The following LRRC8B variants were observed in gnomAD, a reference collection of about 807,000 sequenced individuals.
LRRC8B encodes leucine rich repeat containing 8 VRAC subunit B.
LRRC8B carries 23 observed loss-of-function variants against 58.8 expected under a neutral mutation model. The ratio of observed to expected loss-of-function variants is 0.39; its 90% CI spans 0.28 to 0.55. The LOEUF is 0.55. Ranked by LOEUF, LRRC8B falls within the 20% of genes least tolerant of loss-of-function variation. The pLI, the probability that LRRC8B is intolerant of heterozygous loss-of-function variation, is 0.62. For missense variants in LRRC8B, 694 were observed against 936.0 expected (o/e 0.74, Z 3.37); for synonymous variants, 359 against 374.1 (o/e 0.96, Z 0.47).
intron 1 of LRRC8B, among the ~76,000 whole-genome samples, chr1:89,540,547 A>C (rs1650883539): frequency 6.6e-6 from 1 of 152,228 alleles, no homozygotes. Context: ...GACACGAATG[A>C]AAGAACAAGA....
At chr1:89,548,257 T>A (rs1223972186) in intron 1 of LRRC8B, among the ~76,000 whole-genome samples, 2 of 152,246 alleles carry the variant, frequency 1.3e-5, no homozygotes, top group African/African-American at 4.8e-5. Flanking sequence ...TTTTTAAGTT[T>A]GAAGTTTTAA....
At chr1:89,547,674 A>G (rs1077538) in intron 1 of LRRC8B, among the ~76,000 whole-genome samples, 33,444 of 152,152 alleles carry the variant, frequency 0.22, 4,041 homozygotes, top group Admixed American at 0.32. Context: ...CACATAGGTC[A>G]TTGATTTTAA....
intron 1 of LRRC8B, among the ~76,000 whole-genome samples, chr1:89,525,620 G>C (rs971683362): frequency 2.6e-5 from 4 of 152,186 alleles, no homozygotes; most frequent in African/African-American, 9.7e-5. Context: ...TTAAGAAGAA[G>C]ACTCAAGAGT....
chr1:89,569,398 A>G (rs1251812857), intron 3 of LRRC8B, among the ~76,000 whole-genome samples: 2 of 152,072 alleles, frequency 1.3e-5, no homozygotes, highest in Non-Finnish European at 2.9e-5. Context: ...GGGAGTAAGG[A>G]TGATCCTGTC....
intron 1 of LRRC8B, among the ~76,000 whole-genome samples, chr1:89,531,452 A>G (rs1650123939): frequency 6.6e-6 from 1 of 152,182 alleles, no homozygotes; most frequent in Non-Finnish European, 1.5e-5. Context: ...ATGGCCAAAA[A>G]CAGGTAATGG....
In LRRC8B at chr1:89,593,943, A is replaced by G. The variant is rs1195875718; in HGVS notation, c.*900A>G. 1 of 152,154 alleles carries G rather than the reference A, an allele frequency of 6.6e-6. No homozygotes were observed. Among genetic ancestry groups the G allele is most frequent in the East Asian group, 1.9e-4 (1 of 5,192 alleles). The allele number at this position is 152,154 out of a possible 1,614,324, so 9.4% of individuals were successfully genotyped here. Reference sequence around the variant, plus strand: ...GGTTTTCTCTTAACACCAATGATGAACCCTGAGAAAATGCCTGCATTTGGC... The same window carrying G: ...GGTTTTCTCTTAACACCAATGATGAGCCCTGAGAAAATGCCTGCATTTGGC... On this transcript the variant is annotated 3_prime_UTR_variant, in exon 6 of 6. Transcript: ENST00000330947.
At chr1:89,546,736 C>T (rs1353803922) in intron 1 of LRRC8B, among the ~76,000 whole-genome samples, 1 of 152,228 alleles carries the variant, frequency 6.6e-6, no homozygotes, top group African/African-American at 2.4e-5. Context: ...GAGCTATACC[C>T]AGAAAGGAGC....
chr1:89,526,690 G>A lies in LRRC8B; in HGVS notation c.-241+1668G>A, dbSNP rs139236490. ...GCTAAAAAGAGGTCTCTTGAATGGG[G>A]GTGATGTTGTCATTGAGTGCACCCT... On this transcript the variant is annotated intron_variant, in intron 1 of 5. Coordinates refer to ENST00000330947, the MANE Select transcript of LRRC8B (RefSeq NM_001369817.2). Among the ~76,000 whole-genome samples, 4 of 152,296 alleles carry A rather than the reference G, an allele frequency of 2.6e-5. No homozygotes were observed. In the South Asian group the frequency reaches 6.2e-4, roughly 24 times the overall value.
intron 1 of LRRC8B, among the ~76,000 whole-genome samples, chr1:89,560,033 G>A (rs1248170528): frequency 6.6e-6 from 1 of 152,156 alleles, no homozygotes; most frequent in Non-Finnish European, 1.5e-5. Flanking sequence ...AGCATTGTGG[G>A]AAACTGGAAG....
chr1:89,534,447 G>C (rs1438594787), intron 1 of LRRC8B, among the ~76,000 whole-genome samples: 2 of 151,756 alleles, frequency 1.3e-5, no homozygotes, highest in Non-Finnish European at 2.9e-5. Flanking sequence ...TTCCTCTTCT[G>C]TAAAACTTAA....
At position 89,583,606 on chromosome 1, in the gene LRRC8B, A is replaced by G. The variant is rs763412173; in HGVS notation, c.956A>G (p.Tyr319Cys). 36 of 1,611,726 alleles carry G rather than the reference A, an allele frequency of 2.2e-5. No homozygotes were observed. The highest frequency in any genetic ancestry group is 2.8e-5 in the Non-Finnish European group (33 of 1,180,010). Residue 319 changes from tyrosine to cysteine, a missense_variant, in exon 5 of 6, where the codon TAT becomes TGT. Tyr to Cys is a radical substitution (Grantham distance 194, BLOSUM62 -2). Coordinates refer to ENST00000330947, the MANE Select transcript of LRRC8B (RefSeq NM_001369817.2). This position sits in a 1 kb window ranked among gnomAD's most constrained non-coding sequence, Gnocchi z 5.2. The part of the protein sequence containing the change: ...AEIFKVLASF[Y>C]VILVILYGLT... Reference sequence around the variant, plus strand: ...ATCTTTAAGGTCCTGGCTTCATTTTATGTCATTTTGGTTATACTTTATGGT... The same window carrying G: ...ATCTTTAAGGTCCTGGCTTCATTTTGTGTCATTTTGGTTATACTTTATGGT...
intron 1 of LRRC8B, among the ~76,000 whole-genome samples, chr1:89,533,394 A>G (rs1457808538): frequency 6.6e-6 from 1 of 152,046 alleles, no homozygotes; most frequent in East Asian, 1.9e-4. Context: ...TCATACCCCC[A>G]TACACCAGCT....
At chr1:89,526,387 A>G (rs796617769) in intron 1 of LRRC8B, among the ~76,000 whole-genome samples, 2 of 152,088 alleles carry the variant, frequency 1.3e-5, no homozygotes, top group African/African-American at 4.8e-5. Flanking sequence ...GCTAATTTTT[A>G]TATTTTTAGT....
chr1:89,592,783 C>G lies in LRRC8B; in HGVS notation c.2152C>G (p.Pro718Ala). 6.2e-7 allele frequency: 1 copy of G among 1,613,354 alleles called. No homozygotes were observed. The highest frequency in any genetic ancestry group is 1.3e-5 in the African/African-American group (1 of 74,788). The change falls in exon 6 of 6, where the codon CCA becomes GCA. Residue 718 changes from proline (P) to alanine (A), a missense_variant. Transcript: ENST00000330947. ...CTTCCCTTTCCAGATTGAGATGCTA[C>G]CAGATGGGCTGTTTCAGTGCAAAAA... ...AVTNNNIEML[P>A]DGLFQCKKLQ...
At chr1:89,577,392 C>T (rs1340393860) in intron 3 of LRRC8B, among the ~76,000 whole-genome samples, 1 of 152,136 alleles carries the variant, frequency 6.6e-6, no homozygotes, top group Non-Finnish European at 1.5e-5. Context: ...GCTTTTATGA[C>T]TTCTTAATGA....
intron 5 of LRRC8B, among the ~76,000 whole-genome samples, chr1:89,590,861 T>A (rs1438919129): frequency 2.0e-5 from 3 of 152,222 alleles, no homozygotes; most frequent in Non-Finnish European, 2.9e-5. Flanking sequence ...GTGAGACTTG[T>A]GCTTCTCAAC....
chr1:89,531,975 T>C (rs1240165480), intron 1 of LRRC8B, among the ~76,000 whole-genome samples: 3 of 152,146 alleles, frequency 2.0e-5, no homozygotes, highest in Non-Finnish European at 4.4e-5. Flanking sequence ...AACTTGGACT[T>C]CCTGCTTCAG....
rs1206452827 is a variant in LRRC8B at position 89,583,492 on chromosome 1, C to T, written c.842C>T (p.Thr281Ile). 2 of 1,613,828 alleles carry T rather than the reference C, an allele frequency of 1.2e-6. No individual in the cohort carries two copies. Among genetic ancestry groups the T allele is most frequent in the South Asian group, 1.1e-5 (1 of 91,064 alleles). ...LIITYVPYFLTHITLEIDCSV... is the reference protein window; with the variant it reads ...LIITYVPYFLIHITLEIDCSV... The stretch of plus-strand genomic sequence containing the variant: ...ATAACTTATGTTCCATATTTTTTAA[C>T]CCACATCACTCTTGAAATCGACTGT... Residue 281 changes from threonine to isoleucine, a missense_variant, in exon 5 of 6, where the codon ACC (threonine) becomes ATC (isoleucine). This residue lies in a region of LRRC8B where 316 missense variants were observed against 403.8 expected (regional missense o/e 0.78). Transcript: ENST00000330947. This position sits in a 1 kb window ranked among gnomAD's most constrained non-coding sequence, Gnocchi z 5.2.
At chr1:89,556,817 A>G (rs1292009862) in intron 1 of LRRC8B, among the ~76,000 whole-genome samples, 1 of 152,236 alleles carries the variant, frequency 6.6e-6, no homozygotes, top group Non-Finnish European at 1.5e-5. Flanking sequence ...ATCATAAGTG[A>G]CATAAGAGCT....
Sources: gnomAD v4.1 joint callset for allele counts (sites outside exome capture counted in the v4.1 genomes callset) on GRCh38, gnomAD v4.1.1 for gene constraint, gnomAD v4.1.1 regional missense constraint, Gnocchi (gnomAD v3.1) non-coding constraint, MANE v1.5 for transcripts, NCBI Gene and HGNC (gene_info 2026-07-23, HGNC 2026-07-21) for gene names.